Variants in KCNJ16 observed in about 807,000 individuals in gnomAD.
KCNJ16 encodes inward rectifier potassium channel 16.
A neutral mutation model predicts 18.5 loss-of-function variants in KCNJ16; 15 were observed. That is an observed-to-expected ratio of 0.81 (90% CI 0.54 to 1.25). The LOEUF (loss-of-function observed/expected upper bound fraction) is 1.25, where lower values mean the gene tolerates loss of function less well. Among genes scored for constraint, KCNJ16 ranks in the 50% most tolerant of loss-of-function variants. KCNJ16 has a pLI of 0.00. For missense variants in KCNJ16, 523 were observed against 525.7 expected, an observed-to-expected ratio of 0.99 and a Z score of 0.05; for synonymous variants, 174 against 186.5, an observed-to-expected ratio of 0.93 and a Z score of 0.55.
intron 1 of KCNJ16, among the ~76,000 whole-genome samples, chr17:70,092,786 A>C (rs2143730649): frequency 6.6e-6 from 1 of 152,288 alleles, no homozygotes; most frequent in South Asian, 2.1e-4. Flanking sequence ...AGGTCCAAAA[A>C]CCTGAAGCTC....
chr17:70,094,626 G>T (rs1161338599), intron 1 of KCNJ16, among the ~76,000 whole-genome samples: 1 of 39,246 alleles, frequency 2.5e-5, no homozygotes, highest in East Asian at 2.5e-3. Flanking sequence ...AAGGTGGGGG[G>T]AATAACATAT....
At position 70,130,955 on chromosome 17, in the gene KCNJ16, A is replaced by G; in HGVS notation, c.-114A>G. 1.3e-6 allele frequency: 2 copies of G among 1,535,376 alleles called. No individual in the cohort carries two copies. The highest frequency in any genetic ancestry group is 1.7e-6 in the Non-Finnish European group (2 of 1,146,262). Reference sequence around the variant, plus strand: ...GAGCTGGGAAATCCTTTGGCCTATTATACCATGGATGCTAAAAATGGTAAG... The same window carrying G: ...GAGCTGGGAAATCCTTTGGCCTATTGTACCATGGATGCTAAAAATGGTAAG... On this transcript the variant is annotated 5_prime_UTR_variant, in exon 3 of 4. Transcript: ENST00000392671.
At chr17:70,104,544 G>T (rs1173732038) in intron 2 of KCNJ16, among the ~76,000 whole-genome samples, 2 of 152,168 alleles carry the variant, frequency 1.3e-5, no homozygotes, top group Admixed American at 6.5e-5. Context: ...CACAATCACA[G>T]AGCACCTACA....
At chr17:70,103,973 T>C (rs2072794648) in intron 2 of KCNJ16, among the ~76,000 whole-genome samples, 3 of 148,002 alleles carry the variant, frequency 2.0e-5, no homozygotes, top group Admixed American at 6.8e-5. Context: ...TTTCATTCTG[T>C]CACCTGGGCT....
intron 1 of KCNJ16, among the ~76,000 whole-genome samples, chr17:70,098,972 T>A (rs2072506514): frequency 6.6e-6 from 1 of 152,220 alleles, no homozygotes; most frequent in African/African-American, 2.4e-5. Context: ...ACACCTCTTA[T>A]CAAATCCACA....
chr17:70,098,622 T>C (rs1386929345), intron 1 of KCNJ16, among the ~76,000 whole-genome samples: 2 of 152,060 alleles, frequency 1.3e-5, no homozygotes, highest in African/African-American at 4.8e-5. Flanking sequence ...TAAATTATAA[T>C]GTACACTGAT....
At chr17:70,112,280 TCG>T (rs1361618947) in intron 2 of KCNJ16, among the ~76,000 whole-genome samples, 1 of 152,100 alleles carries the variant, frequency 6.6e-6, no homozygotes, top group Non-Finnish European at 1.5e-5. Context: ...ATGTCTTCTC[TCG>T]TAAATGTTTC....
intron 2 of KCNJ16, among the ~76,000 whole-genome samples, chr17:70,110,935 A>G (rs549867204): frequency 6.6e-6 from 1 of 152,256 alleles, no homozygotes; most frequent in African/African-American, 2.4e-5. Context: ...GTCACTTGAT[A>G]CTTGTACTTG....
intron 2 of KCNJ16, among the ~76,000 whole-genome samples, chr17:70,104,687 T>C (rs987119220): frequency 1.3e-5 from 2 of 152,232 alleles, no homozygotes; most frequent in Non-Finnish European, 2.9e-5. Flanking sequence ...AGATTTTTAT[T>C]ATTATATAAG....
chr17:70,135,360 T>C lies in KCNJ16; in HGVS notation c.*2016T>C, dbSNP rs1260619104. 2.4e-5 allele frequency: 4 copies of C among 167,102 alleles called. No individual in the cohort carries two copies. In the Admixed American group the frequency reaches 2.6e-4, roughly 11 times the overall value. 10.4% of individuals were successfully genotyped at this position (167,102 alleles called of 1,614,324 possible). On this transcript the variant is annotated 3_prime_UTR_variant, in exon 4 of 4. Transcript: ENST00000392671. The stretch of plus-strand genomic sequence containing the variant: ...ACCTACATCTAGTTTCATTTCATCT[T>C]GCTTTGCTTTGTTGACTCTGCTACC...
In KCNJ16 at chr17:70,095,294, C is replaced by T. The variant is rs573948537; in HGVS notation, c.-299-5364C>T. Among the ~76,000 whole-genome samples, 3 of 151,928 alleles carry T rather than the reference C, an allele frequency of 2.0e-5. No homozygotes were observed. The South Asian group carries it at 6.2e-4, about 32-fold the overall frequency. ...AAAACAACTTTGACCATAATCTCTG[C>T]AGGAACCAGCCCAGGAAGCCCAATC... is the stretch of plus-strand genomic sequence containing the variant. On this transcript the variant is annotated intron_variant, in intron 1 of 3. Coordinates refer to ENST00000392671, the MANE Select transcript of KCNJ16 (RefSeq NM_170741.4).
chr17:70,116,851 G>A (rs1418182609), intron 2 of KCNJ16, among the ~76,000 whole-genome samples: 1 of 152,170 alleles, frequency 6.6e-6, no homozygotes, highest in South Asian at 2.1e-4. Flanking sequence ...ATACAGTGTT[G>A]GTGGGAATGT....
chr17:70,100,710 T>TG lies in KCNJ16; in HGVS notation c.-245dup, dbSNP rs1464171717. 6.6e-6 allele frequency: 1 copy of TG among 152,218 alleles called. No individual in the cohort carries two copies. The highest frequency in any genetic ancestry group is 1.5e-5 in the Non-Finnish European group (1 of 68,034). 9.4% of individuals were successfully genotyped at this position (152,218 alleles called of 1,614,324 possible). A position where few individuals can be genotyped will look rare whatever the true frequency, so the allele number is the denominator to read the frequency against. On this transcript the variant is annotated 5_prime_UTR_variant, in exon 2 of 4. Transcript: ENST00000392671. ...AAATAGTGAGACACAGGATTCTAAC[T>TG]GGCAGACTGGCACTTTATCTCAATT...
At chr17:70,097,399 A>C (rs1035249198) in intron 1 of KCNJ16, among the ~76,000 whole-genome samples, 5 of 152,176 alleles carry the variant, frequency 3.3e-5, no homozygotes, top group African/African-American at 1.2e-4. Context: ...CCTTATTAAA[A>C]ATTTTAAATC....
At chr17:70,093,015 T>A (rs1212428550) in intron 1 of KCNJ16, among the ~76,000 whole-genome samples, 1 of 152,192 alleles carries the variant, frequency 6.6e-6, no homozygotes, top group African/African-American at 2.4e-5. Flanking sequence ...ACCAGCTATC[T>A]GGCCAACCCT....
chr17:70,083,523 T>C (rs948020163), intron 1 of KCNJ16, among the ~76,000 whole-genome samples: 16 of 152,052 alleles, frequency 1.1e-4, no homozygotes, highest in Non-Finnish European at 8.8e-5. Context: ...ATACTTACCA[T>C]TGTGTTACAA....
intron 1 of KCNJ16, among the ~76,000 whole-genome samples, chr17:70,095,667 T>C (rs1460668426): frequency 1.3e-5 from 2 of 152,132 alleles, no homozygotes; most frequent in South Asian, 4.1e-4. Flanking sequence ...GATCGTTGTT[T>C]ATTTCCACAA....
intron 2 of KCNJ16, among the ~76,000 whole-genome samples, chr17:70,129,580 A>G (rs1402010190): frequency 1.3e-5 from 2 of 152,338 alleles, no homozygotes; most frequent in Non-Finnish European, 2.9e-5. Flanking sequence ...GAGAGTCAAG[A>G]AAAGGATGAG....
chr17:70,111,076 T>C (rs1203724872), intron 2 of KCNJ16, among the ~76,000 whole-genome samples: 1 of 152,126 alleles, frequency 6.6e-6, no homozygotes, highest in Non-Finnish European at 1.5e-5. Flanking sequence ...TTGCAGGGAA[T>C]AGGATATAAT....
Sources: allele counts gnomAD v4.1 joint callset (sites outside exome capture counted in the v4.1 genomes callset), GRCh38; gene constraint gnomAD v4.1.1; transcripts MANE v1.5; gene names NCBI Gene and HGNC (gene_info 2026-07-23, HGNC 2026-07-21).